The following AFG2A variants were observed in gnomAD, a reference collection of about 807,000 sequenced individuals.
AFG2A encodes the protein ATPase family gene 2 protein homolog A.
the AFG2A span, among the ~76,000 whole-genome samples, chr4:122,963,950 T>G: frequency 6.6e-6 from 1 of 152,182 alleles, no homozygotes; most frequent in African/African-American, 2.4e-5. Flanking sequence ...TCCTGGTTAC[T>G]CTTCTCTTAC....
chr4:122,929,248 A>C, the AFG2A span: 1,352 of 1,485,180 alleles, frequency 9.1e-4, 1 homozygote, highest in Admixed American at 1.4e-3. Context: ...CCCAGTAGAA[A>C]TATAAGAGTC....
the AFG2A span, among the ~76,000 whole-genome samples, chr4:122,982,149 T>C: frequency 2.0e-5 from 3 of 152,192 alleles, no homozygotes; most frequent in South Asian, 6.2e-4. Flanking sequence ...GTCATACATA[T>C]AGCGTTATGA....
the AFG2A span, among the ~76,000 whole-genome samples, chr4:123,036,347 C>T: frequency 1.3e-5 from 2 of 152,026 alleles, no homozygotes; most frequent in Non-Finnish European, 2.9e-5. Context: ...TGGAAGTATC[C>T]TAACTCCAGG....
At chr4:123,232,138 T>C in the AFG2A span, among the ~76,000 whole-genome samples, 1 of 151,930 alleles carries the variant, frequency 6.6e-6, no homozygotes, top group African/African-American at 2.4e-5. Flanking sequence ...CATTGTATTA[T>C]AAAAAATACA....
At chr4:123,097,122 A>G in the AFG2A span, among the ~76,000 whole-genome samples, 1 of 152,104 alleles carries the variant, frequency 6.6e-6, no homozygotes, top group Non-Finnish European at 1.5e-5. Context: ...GGTGTGCACC[A>G]CAGCATCCAG....
the AFG2A span, among the ~76,000 whole-genome samples, chr4:122,973,263 T>A: frequency 2.0e-5 from 3 of 152,188 alleles, no homozygotes; most frequent in Admixed American, 6.5e-5. Context: ...CCTTTTATTC[T>A]TTTACTTTCA....
At chr4:123,309,644 T>G in the AFG2A span, among the ~76,000 whole-genome samples, 1 of 152,186 alleles carries the variant, frequency 6.6e-6, no homozygotes, top group Admixed American at 6.5e-5. Flanking sequence ...ATATACAGGT[T>G]GAGTATCACT....
At chr4:123,243,711 C>T in the AFG2A span, among the ~76,000 whole-genome samples, 3 of 151,874 alleles carry the variant, frequency 2.0e-5, no homozygotes, top group Non-Finnish European at 4.4e-5. Flanking sequence ...TAAACCTGCA[C>T]GTTGTGCACA....
the AFG2A span, among the ~76,000 whole-genome samples, chr4:123,310,197 T>C: frequency 6.6e-6 from 1 of 152,238 alleles, no homozygotes; most frequent in Admixed American, 6.5e-5. Context: ...GGAGTGGCGC[T>C]CTGTCAGCTG....
At chr4:123,277,234 TG>T in the AFG2A span, among the ~76,000 whole-genome samples, 1 of 152,192 alleles carries the variant, frequency 6.6e-6, no homozygotes, top group South Asian at 2.1e-4. Flanking sequence ...TTATTATTTT[TG>T]TGGCTATTGT....
At chr4:123,273,378 A>G in the AFG2A span, among the ~76,000 whole-genome samples, 2 of 152,182 alleles carry the variant, frequency 1.3e-5, no homozygotes, top group East Asian at 3.8e-4. Context: ...GATGTCATAC[A>G]GATTAGTTTT....
the AFG2A span, among the ~76,000 whole-genome samples, chr4:123,098,212 G>A: frequency 5.9e-5 from 9 of 151,918 alleles, no homozygotes; most frequent in African/African-American, 2.2e-4. Context: ...TGAACCTCAC[G>A]TTTTTGTTTC....
the AFG2A span, among the ~76,000 whole-genome samples, chr4:123,174,555 A>G: frequency 6.6e-6 from 1 of 152,174 alleles, no homozygotes; most frequent in African/African-American, 2.4e-5. Flanking sequence ...CATATTTGTA[A>G]AAGTAATATG....
chr4:123,254,248 A>G, the AFG2A span, among the ~76,000 whole-genome samples: 1 of 152,100 alleles, frequency 6.6e-6, no homozygotes, highest in African/African-American at 2.4e-5. Context: ...TTATACTTCT[A>G]GAAGTTTTGT....
At chr4:123,228,862 A>T in the AFG2A span, among the ~76,000 whole-genome samples, 4 of 152,010 alleles carry the variant, frequency 2.6e-5, no homozygotes, top group African/African-American at 9.7e-5. Flanking sequence ...AGGTAAGCTG[A>T]TTGGAGGCTA....
At chr4:123,311,812 C>T in the AFG2A span, among the ~76,000 whole-genome samples, 19 of 150,504 alleles carry the variant, frequency 1.3e-4, no homozygotes, top group East Asian at 3.7e-3. Context: ...ATTAGGCTCC[C>T]TGAGGTTCCA....
chr4:122,958,316 G>A, the AFG2A span, among the ~76,000 whole-genome samples: 1 of 152,136 alleles, frequency 6.6e-6, no homozygotes, highest in Non-Finnish European at 1.5e-5. Flanking sequence ...TGCTTTTCAG[G>A]AGGTGTTTTC....
the AFG2A span, among the ~76,000 whole-genome samples, chr4:123,185,446 G>A: frequency 6.6e-6 from 1 of 152,022 alleles, no homozygotes; most frequent in Non-Finnish European, 1.5e-5. Context: ...GAGAGTCTAA[G>A]TATGAATGTC....
the AFG2A span, among the ~76,000 whole-genome samples, chr4:123,297,929 A>G: frequency 6.6e-6 from 1 of 152,132 alleles, no homozygotes; most frequent in African/African-American, 2.4e-5. Context: ...ATATACATAG[A>G]AAAGGATAGA....
Sources: gnomAD v4.1 joint callset for allele counts (sites outside exome capture counted in the v4.1 genomes callset) on GRCh38, gnomAD v4.1.1 for gene constraint, MANE v1.5 for transcripts, NCBI Gene and HGNC (gene_info 2026-07-23, HGNC 2026-07-21) for gene names.